The following TBC1D1 variants were observed in gnomAD, a reference collection of about 807,000 sequenced individuals.
TBC1D1 encodes the protein TBC1 (tre-2/USP6, BUB2, cdc16) domain family, member 1.
TBC1D1 carries 89 observed loss-of-function variants against 125.6 expected under a neutral mutation model. The ratio of observed to expected loss-of-function variants is 0.71; its 90% CI spans 0.60 to 0.85. The LOEUF (loss-of-function observed/expected upper bound fraction) is 0.85, where lower values mean the gene tolerates loss of function less well. Ranked by LOEUF, TBC1D1 falls within the 40% of genes least tolerant of loss-of-function variation. TBC1D1 has a pLI of 0.00. For missense variants in TBC1D1, 1,377 were observed against 1,469.2 expected (o/e 0.94, Z 1.03); for synonymous variants, 565 against 564.1 (o/e 1.00, Z -0.02).
chr4:38,130,702 C>T (rs1765448698), intron 18 of TBC1D1, among the ~76,000 whole-genome samples: 1 of 152,190 alleles, frequency 6.6e-6, no homozygotes, highest in Non-Finnish European at 1.5e-5. Flanking sequence ...GGGAGGTGGG[C>T]ACTGCACTTG....
chr4:37,913,368 G>T (rs1213623432), intron 2 of TBC1D1, among the ~76,000 whole-genome samples: 1 of 152,152 alleles, frequency 6.6e-6, no homozygotes. Context: ...GGAGGCTTAG[G>T]TGAGTGGATC....
chr4:38,117,947 C>G, intron 16 of TBC1D1, 86 bp from the exon 19 acceptor site: 1 of 1,266,834 alleles, frequency 7.9e-7, no homozygotes, highest in Admixed American at 1.9e-5. Flanking sequence ...TAAGTCTTCT[C>G]TTACACCCAC....
At chr4:38,110,646 C>A (rs1008182123) in intron 15 of TBC1D1, 1 of 985,332 alleles carries the variant, frequency 1.0e-6, no homozygotes, top group African/African-American at 1.7e-5. Flanking sequence ...GTTTGACCCT[C>A]TCCACTTAAC....
chr4:38,006,942 C>A, intron 2 of TBC1D1: 1 of 441,014 alleles, frequency 2.3e-6, no homozygotes, highest in East Asian at 6.7e-5. Context: ...TAAGTGTTGT[C>A]ATCTGGATAC....
At chr4:38,112,939 T>C (rs1042660375) in intron 15 of TBC1D1, among the ~76,000 whole-genome samples, 4 of 152,184 alleles carry the variant, frequency 2.6e-5, no homozygotes, top group African/African-American at 9.7e-5. Context: ...GTGCAGAGCC[T>C]GTGAGAAGCT....
At chr4:38,011,368 A>C (rs1038484701) in intron 2 of TBC1D1, among the ~76,000 whole-genome samples, 15 of 151,752 alleles carry the variant, frequency 9.9e-5, no homozygotes, top group Admixed American at 3.3e-4. Flanking sequence ...AAAAAAAAAA[A>C]GAAAAAGAAA....
intron 13 of TBC1D1, 32 bp downstream of exon 15, chr4:38,090,149 T>G: frequency 6.3e-7 from 1 of 1,597,820 alleles, no homozygotes; most frequent in Non-Finnish European, 8.5e-7. Flanking sequence ...TGAACAGGCC[T>G]GGTCTTATCT....
At position 38,108,742 on chromosome 4, in the gene TBC1D1, A is replaced by G. The variant is rs1258687712; in HGVS notation, c.2557+5585A>G. 2.6e-5 allele frequency among the ~76,000 whole-genome samples: 4 copies of G among 152,382 alleles called. No homozygotes were observed. The East Asian group carries it at 7.7e-4, about 29-fold the overall frequency. ...TGGTGTCCAGAAGAAAAGAAACTAT[A>G]ATCCAATTTTTTAGAATCCATAAAA... is the stretch of plus-strand genomic sequence containing the variant. On this transcript the variant is annotated intron_variant, in intron 15 of 19. Transcript: ENST00000261439.
At chr4:37,912,511 G>A (rs55813290) in intron 2 of TBC1D1, among the ~76,000 whole-genome samples, 1,612 of 152,300 alleles carry the variant, frequency 0.011, 36 homozygotes, top group African/African-American at 0.037. Context: ...CCTTGCTGAA[G>A]GAGTTGGACA....
intron 10 of TBC1D1, 26 bp from the exon 11 acceptor site, chr4:38,049,592 C>A: frequency 6.4e-7 from 1 of 1,574,008 alleles, no homozygotes; most frequent in South Asian, 1.2e-5. Flanking sequence ...CATGGTGTGT[C>A]TGATCTGCTG....
At chr4:38,029,147 C>A (rs1010589561) in intron 7 of TBC1D1, among the ~76,000 whole-genome samples, 2 of 151,938 alleles carry the variant, frequency 1.3e-5, no homozygotes, top group African/African-American at 4.8e-5. Context: ...TTCGATGATT[C>A]CCTGGCACTT....
chr4:38,122,164 T>TC (rs1763955488), intron 17 of TBC1D1, among the ~76,000 whole-genome samples: 1 of 152,176 alleles, frequency 6.6e-6, no homozygotes, highest in African/African-American at 2.4e-5. Context: ...CTGGCAGGAA[T>TC]CAATCAGCGT....
rs371107775 is a variant in TBC1D1 at position 38,006,768 on chromosome 4, T to C, written c.418-7741T>C. On this transcript the variant is annotated intron_variant, in intron 2 of 19. Coordinates refer to ENST00000261439, the MANE Select transcript of TBC1D1 (RefSeq NM_015173.4). ...TGCTGGGATTACAGGCGTGAGCCAC[T>C]GCGCCTGGCCCAACACTATTTCTTT... 1.4e-3 allele frequency: 639 copies of C among 461,632 alleles called. 1 individual carries two copies. Among genetic ancestry groups the C allele is most frequent in the East Asian group, 5.2e-3 (83 of 16,026 alleles). The allele number at this position is 461,632 out of a possible 1,614,324, so 28.6% of individuals were successfully genotyped here. A position where few individuals can be genotyped will look rare whatever the true frequency, so the allele number is the denominator to read the frequency against.
At chr4:37,928,335 G>A (rs1438433350) in intron 2 of TBC1D1, among the ~76,000 whole-genome samples, 7 of 152,142 alleles carry the variant, frequency 4.6e-5, no homozygotes, top group Non-Finnish European at 7.4e-5. Flanking sequence ...GTCCAACAGC[G>A]GCAAATATTG....
intron 12 of TBC1D1, among the ~76,000 whole-genome samples, chr4:38,075,368 A>G (rs901450609): frequency 2.2e-4 from 34 of 152,208 alleles, no homozygotes; most frequent in African/African-American, 4.6e-4. Flanking sequence ...CCTAAGAGTC[A>G]TGGATACCTA....
chr4:38,047,171 C>A (rs1384667340), intron 10 of TBC1D1, among the ~76,000 whole-genome samples: 1 of 152,052 alleles, frequency 6.6e-6, no homozygotes, highest in African/African-American at 2.4e-5. Flanking sequence ...TCAGTTGTAC[C>A]ACCTACTAAC....
Position 38,014,665 on chromosome 4 carries a change from C to G in TBC1D1, c.574C>G (p.Leu192Val). 6.2e-7 allele frequency: 1 copy of G among 1,613,254 alleles called. No individual in the cohort carries two copies. Among genetic ancestry groups the G allele is most frequent in the South Asian group, 1.1e-5 (1 of 91,090 alleles). The change falls in exon 3 of 20, where the codon CTG becomes GTG. Residue 192 changes from leucine to valine, a missense_variant. Transcript: ENST00000261439. The surrounding 1 kb of genome is among the most constrained non-coding windows in gnomAD (Gnocchi z 5.1). ...GGCGCACAAGAAGGCTCCGCCGGCC[C>G]TGATCGACGAGTGCATCGAGAAGTT...
At chr4:37,957,657 G>C (rs1231220864) in intron 2 of TBC1D1, among the ~76,000 whole-genome samples, 1 of 152,074 alleles carries the variant, frequency 6.6e-6, no homozygotes, top group African/African-American at 2.4e-5. Context: ...AAAGAGAAGA[G>C]AGTTGAGATT....
chr4:37,902,533 A>C, intron 2 of TBC1D1, 21 bp downstream of exon 2: 4 of 1,568,392 alleles, frequency 2.6e-6, no homozygotes, highest in Non-Finnish European at 3.5e-6. Context: ...TGGAGATCCA[A>C]AAGACTAAGG....
Sources: allele counts gnomAD v4.1 joint callset (sites outside exome capture counted in the v4.1 genomes callset), GRCh38; gene constraint gnomAD v4.1.1; non-coding constraint Gnocchi (gnomAD v3.1); transcripts MANE v1.5; gene names NCBI Gene and HGNC (gene_info 2026-07-23, HGNC 2026-07-21).